Variants in DCLK1 observed in about 807,000 individuals in gnomAD.
The protein encoded by DCLK1 is doublecortin like kinase 1, also known as serine/threonine-protein kinase DCLK1.
A neutral mutation model predicts 86.2 loss-of-function variants in DCLK1; 16 were observed. That is an observed-to-expected ratio of 0.19 (90% CI 0.13 to 0.28). DCLK1 has a LOEUF of 0.28. DCLK1 is among the 10% of genes least tolerant of loss of function. The pLI is 1.00. For missense variants in DCLK1, 590 were observed against 940.2 expected, an observed-to-expected ratio of 0.63 and a Z score of 4.87; for synonymous variants, 369 against 370.5, an observed-to-expected ratio of 1.00 and a Z score of 0.05.
In DCLK1 at chr13:35,886,219, G is replaced by A. The variant is rs191565214; in HGVS notation, c.824-14879C>T. ...GTAGAGACGGGGTTTCACTGTGTTAGCCAGAATGGTCTTGATCTCCTGACC... is the reference window on the plus strand; with the variant it reads ...GTAGAGACGGGGTTTCACTGTGTTAACCAGAATGGTCTTGATCTCCTGACC... On this transcript the variant is annotated intron_variant, in intron 4 of 16. Transcript: ENST00000360631. Among the ~76,000 whole-genome samples, 216 of 152,130 alleles carry A rather than the reference G, an allele frequency of 1.4e-3. 1 individual carries two copies. Among genetic ancestry groups the A allele is most frequent in the Non-Finnish European group, 2.8e-3 (188 of 67,990 alleles).
In DCLK1 at chr13:35,989,263, TTTC is replaced by T. The variant is rs1408176648; in HGVS notation, c.724-41809_724-41807del. ...ATACTTTGGAATTTCAAAACATGAC[TTTC>T]TTCTTCTTATTATTATTTTTTCGAG... On this transcript the variant is annotated intron_variant, in intron 3 of 16. Transcript: ENST00000360631. Among the ~76,000 whole-genome samples the T allele has an allele frequency of 3.3e-4, 50 of 152,222 alleles. No individual in the cohort carries two copies. In the South Asian group the frequency reaches 5.8e-3, roughly 18 times the overall value.
chr13:36,116,457 C>T (rs1885793370), intron 2 of DCLK1, among the ~76,000 whole-genome samples: 1 of 152,176 alleles, frequency 6.6e-6, no homozygotes, highest in Admixed American at 6.5e-5. Flanking sequence ...GGTGACTGGG[C>T]CTGCAGTGTG....
intron 3 of DCLK1, among the ~76,000 whole-genome samples, chr13:36,109,553 T>C (rs761224174): frequency 4.0e-4 from 61 of 152,234 alleles, no homozygotes; most frequent in Non-Finnish European, 1.2e-4. Context: ...AGCATGCTAA[T>C]ACATGCAAAG....
In DCLK1 at chr13:35,878,325, A is replaced by G. The variant is rs1170864276; in HGVS notation, c.824-6985T>C. 2.6e-5 allele frequency among the ~76,000 whole-genome samples: 4 copies of G among 152,132 alleles called. No homozygotes were observed. In the East Asian group the frequency reaches 7.7e-4, roughly 29 times the overall value. The stretch of plus-strand genomic sequence containing the variant: ...AAAGGATGGGCCTGCATCTAGTAAG[A>G]ACTGAGGCCCATCTGGTTTCTTCTA... On this transcript the variant is annotated intron_variant, in intron 4 of 16. Transcript: ENST00000360631.
chr13:36,100,562 C>T (rs1240360925), intron 3 of DCLK1, among the ~76,000 whole-genome samples: 1 of 152,154 alleles, frequency 6.6e-6, no homozygotes, highest in Admixed American at 6.5e-5. Context: ...TGTATACAGA[C>T]CCCACTTATT....
In DCLK1 at chr13:35,772,670, G is replaced by T. The variant is rs920303896; in HGVS notation, c.*1865C>A. The T allele has an allele frequency of 3.5e-5, 5 of 142,310 alleles. No homozygotes were observed. Among genetic ancestry groups the T allele is most frequent in the East Asian group, 5.3e-4 (2 of 3,788 alleles). The allele number at this position is 142,310 out of a possible 1,614,324, so 8.8% of individuals were successfully genotyped here. ...TTATCACTTCCGGATGCTCTAAAAG[G>T]GGGGGAAAAAAACCTCAATAAACGA... On this transcript the variant is annotated 3_prime_UTR_variant, in exon 17 of 17. Coordinates refer to ENST00000360631, the MANE Select transcript of DCLK1 (RefSeq NM_001330071.2).
chr13:36,128,363 G>C (rs1210827326), intron 1 of DCLK1, among the ~76,000 whole-genome samples: 1 of 152,172 alleles, frequency 6.6e-6, no homozygotes, highest in Admixed American at 6.5e-5. Flanking sequence ...GAGGGGTTGA[G>C]ATTTGAACCC....
intron 3 of DCLK1, among the ~76,000 whole-genome samples, chr13:36,007,762 C>A (rs970271412): frequency 2.0e-5 from 3 of 152,118 alleles, no homozygotes; most frequent in Non-Finnish European, 4.4e-5. Flanking sequence ...AATCTATAAG[C>A]CATTGCTGTC....
At position 36,037,539 on chromosome 13, in the gene DCLK1, A is replaced by C. The variant is rs539446382; in HGVS notation, c.723+74330T>G. ...CCCTCTGTTGCCCAGGCTGGAGTGC[A>C]GTGGTGCGATCTCAGCTCACTGCAA... is the stretch of plus-strand genomic sequence containing the variant. On this transcript the variant is annotated intron_variant, in intron 3 of 16. Transcript: ENST00000360631. Among the ~76,000 whole-genome samples the C allele has an allele frequency of 3.6e-4, 55 of 152,152 alleles. 1 individual carries two copies. Among genetic ancestry groups the C allele is most frequent in the African/African-American group, 1.3e-3 (52 of 41,494 alleles).
At chr13:35,902,988 A>C (rs1350386350) in intron 4 of DCLK1, among the ~76,000 whole-genome samples, 4 of 152,006 alleles carry the variant, frequency 2.6e-5, no homozygotes, top group African/African-American at 9.7e-5. Flanking sequence ...AATAATTAAA[A>C]TTAAAATTTT....
At chr13:35,788,986 A>C (rs1047931942) in intron 16 of DCLK1, among the ~76,000 whole-genome samples, 9 of 152,234 alleles carry the variant, frequency 5.9e-5, no homozygotes, top group South Asian at 2.1e-4. Context: ...AAAAATGCAT[A>C]TGAACAGTTA....
intron 6 of DCLK1, chr13:35,847,835 G>C (rs941397681): frequency 1.1e-5 from 11 of 985,100 alleles, no homozygotes; most frequent in Non-Finnish European, 1.2e-5. Context: ...ATACAGATGA[G>C]AGAACCTGAC....
chr13:36,095,976 T>A (rs888919388), intron 3 of DCLK1, among the ~76,000 whole-genome samples: 3 of 152,230 alleles, frequency 2.0e-5, no homozygotes, highest in Admixed American at 1.3e-4. Context: ...CACTATTTTA[T>A]TTAATTTCAA....
chr13:35,961,210 T>C (rs1284181638), intron 3 of DCLK1, among the ~76,000 whole-genome samples: 3 of 152,156 alleles, frequency 2.0e-5, no homozygotes, highest in African/African-American at 7.2e-5. Flanking sequence ...CCCAGGATGA[T>C]TGAAAGAATT....
chr13:35,947,644 G>C (rs1410102861), intron 3 of DCLK1, among the ~76,000 whole-genome samples, 187 bp from the exon 4 acceptor site: 3 of 152,192 alleles, frequency 2.0e-5, no homozygotes, highest in Non-Finnish European at 4.4e-5. Flanking sequence ...TTCCATTTCA[G>C]TTCTGCAGGA....
At chr13:35,850,043 T>C in intron 6 of DCLK1, 1 of 977,782 alleles carries the variant, frequency 1.0e-6, no homozygotes, top group Non-Finnish European at 1.2e-6. Context: ...TAAAATTTAC[T>C]TGACAACAAA....
chr13:35,802,681 T>A (rs1926462), intron 15 of DCLK1, among the ~76,000 whole-genome samples: 46,358 of 152,002 alleles, frequency 0.3, 7,489 homozygotes, highest in East Asian at 0.39. Context: ...CCACCATTCT[T>A]CAACAATTTG....
intron 5 of DCLK1, among the ~76,000 whole-genome samples, chr13:35,856,955 C>T (rs1871097340): frequency 6.6e-6 from 1 of 152,136 alleles, no homozygotes; most frequent in African/African-American, 2.4e-5. Flanking sequence ...TAAAATCTAA[C>T]CTAGGCAGTT....
At chr13:36,032,724 C>T (rs1352209075) in intron 3 of DCLK1, among the ~76,000 whole-genome samples, 1 of 152,178 alleles carries the variant, frequency 6.6e-6, no homozygotes, top group Non-Finnish European at 1.5e-5. Flanking sequence ...TCAGCTCCTG[C>T]CCCGGGAGCG....
Sources: allele counts gnomAD v4.1 joint callset (sites outside exome capture counted in the v4.1 genomes callset), GRCh38; gene constraint gnomAD v4.1.1; transcripts MANE v1.5; gene names NCBI Gene and HGNC (gene_info 2026-07-23, HGNC 2026-07-21).